Variants in IFT140 observed in about 807,000 individuals in gnomAD.
The protein encoded by IFT140 is intraflagellar transport 140.
In IFT140, 133 loss-of-function variants were observed where a neutral mutation model predicts 164.6. That is an observed-to-expected ratio of 0.81 (90% CI 0.70 to 0.93). The LOEUF (loss-of-function observed/expected upper bound fraction) is 0.93, where lower values mean the gene tolerates loss of function less well. IFT140 is among the 40% of genes least tolerant of loss of function. IFT140 has a pLI of 0.00. For synonymous variants in IFT140, 860 were observed against 817.3 expected (o/e 1.05, Z -0.89); for missense variants, 2,045 against 1,972.3 (o/e 1.04, Z -0.70).
rs1162261820 is a variant in IFT140 at position 1,587,274 on chromosome 16, A to G, written c.933T>C (p.Tyr311=). 4 of 1,612,452 alleles carry G rather than the reference A, an allele frequency of 2.5e-6. No individual in the cohort carries two copies. The highest frequency in any genetic ancestry group is 1.7e-5 in the Admixed American group (1 of 60,024). The change falls in exon 9 of 31, where the codon TAT becomes TAC. Residue 311 remains tyrosine (Y), a synonymous_variant. Transcript: ENST00000426508. ...CAAACTTCTCATCTGGACTCAGTATATAATTCTCTCCTCGTTCTATGTCCC... is the reference window on the plus strand; with the variant it reads ...CAAACTTCTCATCTGGACTCAGTATGTAATTCTCTCCTCGTTCTATGTCCC... ...RFWDIERGEN[Y]ILSPDEKFGF...
intron 13 of IFT140, among the ~76,000 whole-genome samples, chr16:1,571,776 C>G (rs1168008601): frequency 6.6e-6 from 1 of 152,206 alleles, no homozygotes. Flanking sequence ...CTCAGGAGAG[C>G]TCTGGTGCCT....
chr16:1,591,763 G>C (rs1381429581), intron 6 of IFT140, among the ~76,000 whole-genome samples: 1 of 152,170 alleles, frequency 6.6e-6, no homozygotes, highest in Non-Finnish European at 1.5e-5. Context: ...GAAACCCCCT[G>C]CCCTGCTCAC....
At chr16:1,583,216 T>TTG in intron 12 of IFT140, 98 bp downstream of exon 12, 1 of 1,064,530 alleles carries the variant, frequency 9.4e-7, no homozygotes, top group East Asian at 2.5e-5. Context: ...CCAGCCCCTG[T>TTG]GCCAGCCCTC....
chr16:1,513,895 C>G (rs62012850), intron 30 of IFT140, among the ~76,000 whole-genome samples: 53,326 of 135,782 alleles, frequency 0.39, 13,756 homozygotes, highest in African/African-American at 0.73. Flanking sequence ...AGATGGTCTC[C>G]ATCTCCTGAC....
intron 19 of IFT140, chr16:1,541,547 G>A (rs906030687): frequency 1.0e-6 from 1 of 973,630 alleles, no homozygotes; most frequent in Non-Finnish European, 1.2e-6. Flanking sequence ...GGAAGCCGGT[G>A]TTGCTGGTGG....
chr16:1,522,174 T>C (rs1199034514), intron 26 of IFT140, among the ~76,000 whole-genome samples: 1 of 151,976 alleles, frequency 6.6e-6, no homozygotes, highest in Non-Finnish European at 1.5e-5. Flanking sequence ...CTGGCCAACA[T>C]GGTGAAACCT....
At chr16:1,526,167 C>G in intron 20 of IFT140, 90 bp from the exon 21 acceptor site, 1 of 1,219,416 alleles carries the variant, frequency 8.2e-7, no homozygotes, top group East Asian at 2.6e-5. Context: ...GGTCACCGCA[C>G]CTTCCCACAC....
chr16:1,599,777 G>C (rs1230152107), intron 4 of IFT140, among the ~76,000 whole-genome samples: 2 of 74,658 alleles, frequency 2.7e-5, no homozygotes, highest in Non-Finnish European at 4.8e-5. Flanking sequence ...CGGGAGGGAG[G>C]TGGGGGTGTC....
chr16:1,597,352 C>T (rs1197628852), intron 4 of IFT140, among the ~76,000 whole-genome samples: 2 of 152,184 alleles, frequency 1.3e-5, no homozygotes, highest in Non-Finnish European at 2.9e-5. Context: ...GCACTTGGCC[C>T]GAGCTGGACT....
intron 26 of IFT140, among the ~76,000 whole-genome samples, chr16:1,521,254 C>A (rs1044145768): frequency 6.6e-6 from 1 of 151,906 alleles, no homozygotes; most frequent in African/African-American, 2.4e-5. Context: ...TCAGTAGAGA[C>A]GGGGTTTTGC....
chr16:1,591,347 T>TC (rs2035171514), intron 6 of IFT140, among the ~76,000 whole-genome samples: 1 of 151,962 alleles, frequency 6.6e-6, no homozygotes, highest in African/African-American at 2.4e-5. Flanking sequence ...CTTCTCAATG[T>TC]CCCCCCTCCA....
At chr16:1,552,648 C>CTTTT in intron 19 of IFT140, among the ~76,000 whole-genome samples, 1 of 127,584 alleles carries the variant, frequency 7.8e-6, no homozygotes, top group Non-Finnish European at 1.6e-5. Flanking sequence ...AAAGAGAATG[C>CTTTT]TTTTTTTTTT....
rs1470768446 is a variant in IFT140, at chr16:1,589,783, G to T, written c.635-3C>A. On this transcript the variant is annotated splice_polypyrimidine_tract_variant and splice_region_variant and intron_variant, in intron 6 of 30. Transcript: ENST00000426508. ...CTCATCCACATAGTGCACTGTCCCT[G>T]GGGACAAACGTGGGGTCACTACATG... 1.2e-6 allele frequency: 2 copies of T among 1,610,262 alleles called. No individual in the cohort carries two copies. Among genetic ancestry groups the T allele is most frequent in the Non-Finnish European group, 1.7e-6 (2 of 1,176,868 alleles).
At chr16:1,526,286 C>G (rs1396984167) in intron 20 of IFT140, 3 of 601,662 alleles carry the variant, frequency 5.0e-6, no homozygotes, top group Non-Finnish European at 5.8e-6. Flanking sequence ...CAAGGGGTAC[C>G]CCACCTCCCA....
intron 13 of IFT140, among the ~76,000 whole-genome samples, chr16:1,572,384 C>T (rs533075813): frequency 4.7e-4 from 72 of 152,332 alleles, no homozygotes; most frequent in African/African-American, 1.5e-3. Flanking sequence ...CGGTGGCTCA[C>T]GCCTGTAATC....
intron 19 of IFT140, among the ~76,000 whole-genome samples, chr16:1,554,575 C>A (rs1342593186): frequency 3.3e-5 from 5 of 152,192 alleles, no homozygotes; most frequent in Non-Finnish European, 5.9e-5. Flanking sequence ...CAAGGTGGCT[C>A]AACACCAGGG....
At chr16:1,513,126 A>G (rs2040221394) in intron 30 of IFT140, 1 of 152,246 alleles carries the variant, frequency 6.6e-6, no homozygotes, top group African/African-American at 2.4e-5. Context: ...CCCTGCAGGC[A>G]TCGGCATAGC....
In IFT140 at chr16:1,525,872, G is replaced by C. The variant is rs546649507; in HGVS notation, c.2768+15C>G. 5 of 1,513,408 alleles carry C rather than the reference G, an allele frequency of 3.3e-6. No individual in the cohort carries two copies. The highest frequency in any genetic ancestry group is 8.9e-7 in the Non-Finnish European group (1 of 1,129,288). The allele number at this position is 1,513,408 out of a possible 1,614,324, so 93.7% of individuals were successfully genotyped here. ...TCCAGAGAGGCAGGGAAGAGGCCGC[G>C]AGGGCCGCACTCACTAACTGAGGGC... On this transcript the variant is annotated intron_variant, in intron 21 of 30. Coordinates refer to ENST00000426508, the MANE Select transcript of IFT140 (RefSeq NM_014714.4).
intron 19 of IFT140, chr16:1,541,783 G>A: frequency 9.5e-7 from 1 of 1,057,262 alleles, no homozygotes; most frequent in Non-Finnish European, 1.3e-6. Context: ...GCTTCCCGAA[G>A]CCACTGCCCA....
Sources: gnomAD v4.1 joint callset for allele counts (sites outside exome capture counted in the v4.1 genomes callset) on GRCh38, gnomAD v4.1.1 for gene constraint, MANE v1.5 for transcripts, NCBI Gene and HGNC (gene_info 2026-07-23, HGNC 2026-07-21) for gene names.